Variants in FAAH2 observed in about 807,000 individuals in gnomAD.
FAAH2 encodes fatty acid amide hydrolase 2.
Under a neutral mutation model 36.9 loss-of-function variants are expected in FAAH2, and 60 were observed. That is an observed-to-expected ratio of 1.63 (90% confidence interval 1.32 to 2.02). FAAH2 has a LOEUF of 2.02. Ranked by LOEUF, FAAH2 falls within the 30% of genes most tolerant of loss-of-function variation. The probability of loss-of-function intolerance (pLI) is 0.00; values close to 1 mark genes in which losing one functional copy is unlikely to be tolerated. For synonymous variants in FAAH2, 214 were observed against 143.8 expected (o/e 1.49, Z -3.49); for missense variants, 689 against 397.5 (o/e 1.73, Z -6.23).
chrX:57,410,828 T>G (rs907112083), intron 7 of FAAH2, among the ~76,000 whole-genome samples: 5 of 112,026 alleles, frequency 4.5e-5, no homozygotes, highest in African/African-American at 1.3e-4. Flanking sequence ...TGTGTATCAT[T>G]TTCCTGAATT....
the FAAH2 span, among the ~76,000 whole-genome samples, chrX:57,275,498 A>G: frequency 8.9e-6 from 1 of 112,418 alleles, no homozygotes; most frequent in Non-Finnish European, 1.9e-5. Flanking sequence ...CATCGATGCT[A>G]GGAAGAAACT....
chrX:57,207,625 C>A, the FAAH2 span, among the ~76,000 whole-genome samples: 1 of 112,422 alleles, frequency 8.9e-6, no homozygotes, highest in African/African-American at 3.2e-5. Context: ...GCTCTCCTGG[C>A]TCTGCTTTCC....
At chrX:57,342,435 T>G (rs2053711189) in intron 5 of FAAH2, among the ~76,000 whole-genome samples, 1 of 111,311 alleles carries the variant, frequency 9.0e-6, no homozygotes, top group Non-Finnish European at 1.9e-5. Flanking sequence ...TCTTAATACC[T>G]GGATGATGAA....
At chrX:57,301,386 C>T (rs1460546422) in intron 2 of FAAH2, among the ~76,000 whole-genome samples, 1 of 101,594 alleles carries the variant, frequency 9.8e-6, no homozygotes, top group African/African-American at 3.7e-5. Flanking sequence ...ACCACATGTT[C>T]TCACTCATAG....
At chrX:57,419,215 T>C (rs1057510691) in intron 7 of FAAH2, among the ~76,000 whole-genome samples, 7 of 111,231 alleles carry the variant, frequency 6.3e-5, no homozygotes, top group African/African-American at 2.3e-4. Context: ...TGATTTATAG[T>C]CCTTTGGGTA....
chrX:57,247,289 G>GT, the FAAH2 span, among the ~76,000 whole-genome samples: 1,405 of 111,090 alleles, frequency 0.013, 11 homozygotes, highest in African/African-American at 0.018. Flanking sequence ...AATAAGAAAA[G>GT]TTTTTTTTAC....
chrX:57,186,293 T>C, the FAAH2 span, among the ~76,000 whole-genome samples: 3 of 112,249 alleles, frequency 2.7e-5, no homozygotes, highest in African/African-American at 9.7e-5. Flanking sequence ...TTCATTGTGG[T>C]TTTGATTTGC....
Position 57,395,124 on chromosome X carries a change from C to A in FAAH2, c.996+14095C>A. 5.6e-6 allele frequency: 3 copies of A among 539,996 alleles called. No individual in the cohort carries two copies. In the South Asian group the frequency reaches 6.8e-5, roughly 12 times the overall value. 44.5% of individuals were successfully genotyped at this position (539,996 alleles called of 1,213,427 possible). A position where few individuals can be genotyped will look rare whatever the true frequency, so the allele number is the denominator to read the frequency against. On this transcript the variant is annotated intron_variant, in intron 7 of 10. Transcript: ENST00000374900. ...AGTCTAGAGATAGCTGCACTACGAA[C>A]CCGTGTACAGTAGAGTCTTCATTCA...
intron 7 of FAAH2, among the ~76,000 whole-genome samples, chrX:57,414,850 C>CT (rs760473454): frequency 0.021 from 1,198 of 57,697 alleles, 15 homozygotes; most frequent in African/African-American, 0.036. Context: ...TTGTCCTGGG[C>CT]TTTTTTTTTT....
the FAAH2 span, among the ~76,000 whole-genome samples, chrX:57,198,544 C>T: frequency 8.9e-6 from 1 of 112,631 alleles, no homozygotes; most frequent in Non-Finnish European, 1.9e-5. Flanking sequence ...CTGCTCCCCA[C>T]CTGCCATGAC....
chrX:57,431,908 C>A lies in FAAH2; in HGVS notation c.997-10C>A. ...CATGTTTGTCTGTTTTTATATCTTTCTTTTATAAGGTTGTGGTTCACCTTG... is the reference window on the plus strand; with the variant it reads ...CATGTTTGTCTGTTTTTATATCTTTATTTTATAAGGTTGTGGTTCACCTTG... On this transcript the variant is annotated splice_polypyrimidine_tract_variant and intron_variant, in intron 7 of 10. Transcript: ENST00000374900. 8.7e-7 allele frequency: 1 copy of A among 1,150,602 alleles called. No homozygotes were observed. Among genetic ancestry groups the A allele is most frequent in the East Asian group, 3.3e-5 (1 of 30,299 alleles). The allele number at this position is 1,150,602 out of a possible 1,213,427, so 94.8% of individuals were successfully genotyped here.
chrX:57,226,584 C>A, the FAAH2 span, among the ~76,000 whole-genome samples: 2 of 111,840 alleles, frequency 1.8e-5, no homozygotes, highest in South Asian at 3.7e-4. Context: ...TCTTAAGATT[C>A]TTTCCTTCAT....
intron 10 of FAAH2, among the ~76,000 whole-genome samples, chrX:57,487,307 A>T (rs1031045828): frequency 1.0e-4 from 11 of 110,258 alleles, no homozygotes; most frequent in African/African-American, 2.9e-4. Flanking sequence ...AAAAAAAAAA[A>T]CTATATTTCA....
intron 5 of FAAH2, among the ~76,000 whole-genome samples, chrX:57,351,801 G>A (rs1481399900): frequency 1.9e-5 from 2 of 106,123 alleles, no homozygotes; most frequent in East Asian, 3.0e-4. Context: ...AGCAGACAAC[G>A]AATGAGTAAT....
At chrX:57,343,687 C>T (rs1276103589) in intron 5 of FAAH2, among the ~76,000 whole-genome samples, 1 of 111,561 alleles carries the variant, frequency 9.0e-6, no homozygotes, top group Non-Finnish European at 1.9e-5. Context: ...AAATTATTTG[C>T]TAGTCCAGTG....
chrX:57,221,524 C>T, the FAAH2 span, among the ~76,000 whole-genome samples: 1 of 110,883 alleles, frequency 9.0e-6, no homozygotes, highest in Non-Finnish European at 1.9e-5. Context: ...CCTCTCCAGT[C>T]ACCTACTCTG....
chrX:57,294,677 G>A (rs770740063), intron 2 of FAAH2, among the ~76,000 whole-genome samples: 1 of 111,777 alleles, frequency 8.9e-6, no homozygotes, highest in South Asian at 3.8e-4. Flanking sequence ...CTTTGCACAT[G>A]TTATTACTTT....
the FAAH2 span, among the ~76,000 whole-genome samples, chrX:57,236,053 A>C: frequency 8.9e-6 from 1 of 112,036 alleles, no homozygotes; most frequent in Non-Finnish European, 1.9e-5. Flanking sequence ...TACTTCTGTG[A>C]GATCAACTTT....
the FAAH2 span, among the ~76,000 whole-genome samples, chrX:57,127,533 T>G: frequency 9.0e-6 from 1 of 111,603 alleles, no homozygotes; most frequent in Non-Finnish European, 1.9e-5. Flanking sequence ...CTTAAGGAGG[T>G]GATCCTGATA....
Sources: gnomAD v4.1 joint callset for allele counts (sites outside exome capture counted in the v4.1 genomes callset) on GRCh38, gnomAD v4.1.1 for gene constraint, MANE v1.5 for transcripts, NCBI Gene and HGNC (gene_info 2026-07-23, HGNC 2026-07-21) for gene names.